Variants in PRR16 observed in about 807,000 individuals in gnomAD.
The protein encoded by PRR16 is protein Largen.
A neutral mutation model predicts 18.2 loss-of-function variants in PRR16; 6 were observed. That is an observed-to-expected ratio of 0.33 (90% confidence interval 0.18 to 0.65). The LOEUF is 0.65. Ranked by LOEUF, PRR16 falls within the 30% of genes least tolerant of loss-of-function variation. The pLI, the probability that PRR16 is intolerant of heterozygous loss-of-function variation, is 0.74. For missense variants in PRR16, 412 were observed against 376.6 expected, an observed-to-expected ratio of 1.09 and a Z score of -0.78; for synonymous variants, 151 against 147.8, an observed-to-expected ratio of 1.02 and a Z score of -0.16.
Position 120,464,311 on chromosome 5 carries a change from G to A in PRR16, c.-176G>A, listed in dbSNP as rs1305807274. The A allele has an allele frequency of 1.1e-5, 6 of 546,204 alleles. No homozygotes were observed. Among genetic ancestry groups the A allele is most frequent in the Non-Finnish European group, 1.7e-5 (6 of 349,944 alleles). The allele number at this position is 546,204 out of a possible 1,614,324, so 33.8% of individuals were successfully genotyped here. A position where few individuals can be genotyped will look rare whatever the true frequency, so the allele number is the denominator to read the frequency against. Reference sequence around the variant, plus strand: ...CGCCGCGTCTCGGGAGTTGATGGCAGCACCACTGTGCGGCCGCCCGGCCGA... The same window carrying A: ...CGCCGCGTCTCGGGAGTTGATGGCAACACCACTGTGCGGCCGCCCGGCCGA... On this transcript the variant is annotated 5_prime_UTR_variant, in exon 1 of 2. Transcript: ENST00000407149.
chr5:120,758,071 C>T, the PRR16 span, among the ~76,000 whole-genome samples: 2 of 151,864 alleles, frequency 1.3e-5, no homozygotes, highest in Non-Finnish European at 2.9e-5. Flanking sequence ...ATTCTTGTAA[C>T]TTTATTGTTA....
intron 1 of PRR16, among the ~76,000 whole-genome samples, chr5:120,682,145 T>C (rs76393002): frequency 0.058 from 8,869 of 152,262 alleles, 317 homozygotes; most frequent in South Asian, 0.085. Context: ...GCCAAAACAG[T>C]CTTTAAATCA....
chr5:120,595,610 G>A (rs1008693939), intron 1 of PRR16, among the ~76,000 whole-genome samples: 38 of 151,968 alleles, frequency 2.5e-4, no homozygotes, highest in Non-Finnish European at 3.2e-4. Context: ...TAACAAAATT[G>A]TCTGTACACC....
chr5:120,627,858 T>G (rs570590519), intron 1 of PRR16, among the ~76,000 whole-genome samples: 10 of 152,254 alleles, frequency 6.6e-5, no homozygotes, highest in African/African-American at 2.4e-4. Flanking sequence ...AAAGAAAGAC[T>G]TGTCAAAAGC....
chr5:120,707,509 ACAACTGGAATATTTCAC>A, the PRR16 span, among the ~76,000 whole-genome samples: 1 of 152,194 alleles, frequency 6.6e-6, no homozygotes, highest in Non-Finnish European at 1.5e-5. Context: ...ATGGCTTTCA[ACAACTGGAATATTTCAC>A]CAACTTAAAA....
chr5:120,782,505 T>A, the PRR16 span, among the ~76,000 whole-genome samples: 4 of 152,256 alleles, frequency 2.6e-5, no homozygotes, highest in South Asian at 8.3e-4. Flanking sequence ...GTTCCACATT[T>A]CCCTGGATAA....
rs752924023 is a variant in PRR16 at position 120,491,842 on chromosome 5, C to T, written c.159+27197C>T. On this transcript the variant is annotated intron_variant, in intron 1 of 1. Transcript: ENST00000407149. ...TACAGGCGTGATCCACTGTGCCCAGCTGACATACACTTTTTCTTCGTTTTA... is the reference window on the plus strand; with the variant it reads ...TACAGGCGTGATCCACTGTGCCCAGTTGACATACACTTTTTCTTCGTTTTA... Among the ~76,000 whole-genome samples the T allele has an allele frequency of 1.4e-4, 21 of 152,268 alleles. No homozygotes were observed. In the East Asian group the frequency reaches 4.1e-3, roughly 29 times the overall value.
At chr5:120,487,204 A>G (rs1210213901) in intron 1 of PRR16, among the ~76,000 whole-genome samples, 7 of 152,212 alleles carry the variant, frequency 4.6e-5, no homozygotes, top group Admixed American at 2.0e-4. Flanking sequence ...GTAGCTTGAT[A>G]GGGATGGCAT....
chr5:120,661,294 T>C (rs2150138507), intron 1 of PRR16, among the ~76,000 whole-genome samples: 1 of 152,222 alleles, frequency 6.6e-6, no homozygotes. Context: ...CCCTCTCCTG[T>C]CTTTTGATGT....
intron 1 of PRR16, among the ~76,000 whole-genome samples, chr5:120,556,793 C>A (rs1752427146): frequency 6.6e-6 from 1 of 151,926 alleles, no homozygotes; most frequent in Non-Finnish European, 1.5e-5. Flanking sequence ...CACTAATCCT[C>A]AACCAGCTCT....
At chr5:120,705,125 C>A in the PRR16 span, among the ~76,000 whole-genome samples, 1 of 151,472 alleles carries the variant, frequency 6.6e-6, no homozygotes, top group South Asian at 2.1e-4. Flanking sequence ...TTAAAAAGAG[C>A]AAAGTTTTAA....
the PRR16 span, among the ~76,000 whole-genome samples, chr5:120,740,944 CAAA>C: frequency 6.6e-6 from 1 of 151,900 alleles, no homozygotes; most frequent in Admixed American, 6.6e-5. Context: ...ATCTTTTTAA[CAAA>C]AATTAAGAGC....
intron 1 of PRR16, among the ~76,000 whole-genome samples, chr5:120,598,065 C>G (rs1753868902): frequency 6.6e-6 from 1 of 151,732 alleles, no homozygotes; most frequent in Non-Finnish European, 1.5e-5. Flanking sequence ...ATAATATTGT[C>G]CATGAAGATC....
intron 1 of PRR16, among the ~76,000 whole-genome samples, chr5:120,654,175 G>T (rs1319794288): frequency 6.6e-6 from 1 of 151,894 alleles, no homozygotes; most frequent in Non-Finnish European, 1.5e-5. Flanking sequence ...CTTTTTTGCT[G>T]CTTGGAATGC....
At chr5:120,613,132 T>C (rs1027525831) in intron 1 of PRR16, among the ~76,000 whole-genome samples, 5 of 152,144 alleles carry the variant, frequency 3.3e-5, no homozygotes, top group African/African-American at 1.2e-4. Context: ...GCCCATGAGT[T>C]TACACATGGA....
chr5:120,487,057 G>T (rs1749830957), intron 1 of PRR16, among the ~76,000 whole-genome samples: 2 of 152,174 alleles, frequency 1.3e-5, no homozygotes, highest in Admixed American at 1.3e-4. Flanking sequence ...TAGCCTTGTA[G>T]TATAGTTTGA....
At chr5:120,482,943 T>C (rs1749668072) in intron 1 of PRR16, among the ~76,000 whole-genome samples, 1 of 152,214 alleles carries the variant, frequency 6.6e-6, no homozygotes, top group Non-Finnish European at 1.5e-5. Flanking sequence ...ATTTTAGTTT[T>C]AAGTTAGCTC....
chr5:120,754,628 T>TATA, the PRR16 span, among the ~76,000 whole-genome samples: 65,447 of 115,366 alleles, frequency 0.57, 18,759 homozygotes, highest in East Asian at 0.79. Flanking sequence ...TATATTTATA[T>TATA]ATAATATATA....
chr5:120,490,057 C>G (rs1304665393), intron 1 of PRR16, among the ~76,000 whole-genome samples: 5 of 152,058 alleles, frequency 3.3e-5, no homozygotes, highest in African/African-American at 1.2e-4. Flanking sequence ...GTGGGTAACC[C>G]GACCTTTCTC....
Sources: gnomAD v4.1 joint callset for allele counts (sites outside exome capture counted in the v4.1 genomes callset) on GRCh38, gnomAD v4.1.1 for gene constraint, MANE v1.5 for transcripts, NCBI Gene and HGNC (gene_info 2026-07-23, HGNC 2026-07-21) for gene names.